ZSCAN9: variants seen among roughly 807,000 people sequenced by gnomAD.
The protein encoded by ZSCAN9 is zinc finger and SCAN domain-containing protein 9.
Under a neutral mutation model 23.0 loss-of-function variants are expected in ZSCAN9, and 19 were observed. The observed-to-expected ratio is 0.83, with a 90% confidence interval of 0.58 to 1.21. The LOEUF (loss-of-function observed/expected upper bound fraction) is 1.21, where lower values mean the gene tolerates loss of function less well. Ranked by LOEUF, ZSCAN9 falls within the 50% of genes most tolerant of loss-of-function variation. The pLI is 0.00. For missense variants in ZSCAN9, 467 were observed against 471.5 expected, an observed-to-expected ratio of 0.99 and a Z score of 0.09; for synonymous variants, 155 against 164.8, an observed-to-expected ratio of 0.94 and a Z score of 0.46.
At chr6:28,226,925 A>G in intron 1 of ZSCAN9, 87 bp from the exon 2 acceptor site, 1 of 602,596 alleles carries the variant, frequency 1.7e-6, no homozygotes, top group East Asian at 2.9e-5. Context: ...GAAGAGCTTT[A>G]GGGCCTATGA....
Position 28,233,265 on chromosome 6 carries a change from C to G in ZSCAN9, c.*87C>G. On this transcript the variant is annotated 3_prime_UTR_variant, in exon 4 of 4. Coordinates refer to ENST00000252207, the MANE Select transcript of ZSCAN9 (RefSeq NM_006299.5). ...AGAAAATGCCTCTTTCTTCCTTTCT[C>G]CATGAAATGTGTTTGAAACAAATCC... 6.6e-7 allele frequency: 1 copy of G among 1,520,912 alleles called. No individual in the cohort carries two copies. The highest frequency in any genetic ancestry group is 1.4e-5 in the African/African-American group (1 of 71,952). 94.2% of individuals were successfully genotyped at this position (1,520,912 alleles called of 1,614,324 possible). A position where few individuals can be genotyped will look rare whatever the true frequency, so the allele number is the denominator to read the frequency against.
rs1760147492 is a variant in ZSCAN9, at chr6:28,227,371, T to C, written c.287T>C (p.Val96Ala). ...AAGGAGCAGATTTTGGATCTGCTGG[T>C]GCTGGAGCAGTTTCTATCCATTCTG... is the stretch of plus-strand genomic sequence containing the variant. ...STKEQILDLL[V>A]LEQFLSILPK... Residue 96 changes from valine (V) to alanine (A), a missense_variant, in exon 2 of 4, where the codon GTG becomes GCG. Coordinates refer to ENST00000252207, the MANE Select transcript of ZSCAN9 (RefSeq NM_006299.5). The C allele has an allele frequency of 6.2e-7, 1 of 1,614,122 alleles. No individual in the cohort carries two copies. The highest frequency in any genetic ancestry group is 8.5e-7 in the Non-Finnish European group (1 of 1,180,050).
intron 3 of ZSCAN9, among the ~76,000 whole-genome samples, chr6:28,231,097 A>G (rs1760289080): frequency 1.3e-5 from 2 of 152,168 alleles, no homozygotes; most frequent in Admixed American, 6.5e-5. Context: ...TGTATATACT[A>G]TTTTTTTCCT....
At position 28,232,868 on chromosome 6, in the gene ZSCAN9, G is replaced by A; in HGVS notation, c.875G>A (p.Ser292Asn). Residue 292 changes from serine to asparagine, a missense_variant, in exon 4 of 4, where the codon AGT becomes AAT. By Grantham distance (46) the Ser-to-Asn change is conservative (BLOSUM62 1). Transcript: ENST00000252207. ...YECNECGKAF[S>N]RSSGLFNHRG... ...TGTAATGAATGTGGGAAAGCCTTCA[G>A]TCGAAGTTCTGGTCTTTTTAATCAC... 6.2e-7 allele frequency: 1 copy of A among 1,614,210 alleles called. No homozygotes were observed. Among genetic ancestry groups the A allele is most frequent in the Non-Finnish European group, 8.5e-7 (1 of 1,180,042 alleles).
chr6:28,229,866 T>C (rs1483046526), intron 3 of ZSCAN9, among the ~76,000 whole-genome samples: 1 of 151,518 alleles, frequency 6.6e-6, no homozygotes, highest in Non-Finnish European at 1.5e-5. Flanking sequence ...TTTTCTTTTT[T>C]TTTTTTTTTG....
chr6:28,229,890 C>T (rs1378564314), intron 3 of ZSCAN9, among the ~76,000 whole-genome samples: 1 of 150,182 alleles, frequency 6.7e-6, no homozygotes, highest in Non-Finnish European at 1.5e-5. Flanking sequence ...CAGAGTCTCG[C>T]TCTGTCGCCC....
At chr6:28,228,289 C>G in intron 3 of ZSCAN9, 1 of 492,386 alleles carries the variant, frequency 2.0e-6, no homozygotes. Context: ...GACTGGTTGT[C>G]TTTAACAGAA....
chr6:28,228,995 T>C (rs1192592579), intron 3 of ZSCAN9: 1 of 152,308 alleles, frequency 6.6e-6, no homozygotes, highest in Non-Finnish European at 1.5e-5. Flanking sequence ...TTACTGACTT[T>C]TTGTTAATGT....
chr6:28,232,324 C>G (rs189697383), intron 3 of ZSCAN9, among the ~76,000 whole-genome samples: 127 of 152,184 alleles, frequency 8.3e-4, no homozygotes, highest in Middle Eastern at 3.4e-3. Context: ...GAGTGACACT[C>G]TGGCTCAAAA....
At chr6:28,230,244 C>T in intron 3 of ZSCAN9, 3 of 1,170,108 alleles carry the variant, frequency 2.6e-6, no homozygotes, top group Admixed American at 5.7e-5. Context: ...GAAAGTGCTT[C>T]ATAAGTCATG....
In ZSCAN9 at chr6:28,233,122, C is replaced by T. The variant is rs568623817; in HGVS notation, c.1129C>T (p.Arg377Ter). ...QCIECGKSFN[R>*]HCNLIRHQKI... Reference sequence around the variant, plus strand: ...CATTGAATGTGGGAAAAGCTTTAATCGACACTGCAACCTCATTCGCCATCA... The same window carrying T: ...CATTGAATGTGGGAAAAGCTTTAATTGACACTGCAACCTCATTCGCCATCA... Residue 377 changes from arginine to a stop codon, truncating the protein, a stop_gained, in exon 4 of 4, where the codon CGA becomes TGA. Transcript: ENST00000252207. LOFTEE classifies it low-confidence loss of function (END_TRUNC). The T allele has an allele frequency of 1.9e-5, 30 of 1,614,102 alleles. No individual in the cohort carries two copies. Among genetic ancestry groups the T allele is most frequent in the Admixed American group, 1.7e-4 (10 of 60,020 alleles).
chr6:28,231,807 C>T (rs1171951663), intron 3 of ZSCAN9, among the ~76,000 whole-genome samples: 3 of 151,998 alleles, frequency 2.0e-5, no homozygotes, highest in African/African-American at 7.3e-5. Context: ...CTGTGGGTAG[C>T]TGAAACTTTG....
intron 3 of ZSCAN9, among the ~76,000 whole-genome samples, chr6:28,229,808 C>T (rs551132942): frequency 6.3e-4 from 96 of 151,954 alleles, no homozygotes; most frequent in African/African-American, 1.9e-3. Context: ...ATTTTGCAGA[C>T]GTTTCTCTAT....
At chr6:28,228,396 ATCT>A (rs1196586531) in intron 3 of ZSCAN9, 1 of 288,980 alleles carries the variant, frequency 3.5e-6, no homozygotes, top group Non-Finnish European at 6.4e-6. Flanking sequence ...ATAGATGGCC[ATCT>A]TCTTGCTGTA....
chr6:28,230,034 T>C (rs1760249198), intron 3 of ZSCAN9, among the ~76,000 whole-genome samples: 1 of 152,154 alleles, frequency 6.6e-6, no homozygotes, highest in African/African-American at 2.4e-5. Context: ...ATGTTTTGTA[T>C]TTTTAATAGA....
rs1435461861 is a variant in ZSCAN9 at position 28,227,150 on chromosome 6, T to C, written c.66T>C (p.Leu22=). The C allele has an allele frequency of 2.5e-6, 4 of 1,614,082 alleles. No homozygotes were observed. Among genetic ancestry groups the C allele is most frequent in the Non-Finnish European group, 3.4e-6 (4 of 1,180,040 alleles). ...AAGTTCCCGAGGCATGGGAAGAACTTCTGACAATGAAAGTGGAAGCAAAAA... is the reference window on the plus strand; with the variant it reads ...AAGTTCCCGAGGCATGGGAAGAACTCCTGACAATGAAAGTGGAAGCAAAAA... ...GVQVPEAWEE[L]LTMKVEAKSH... Residue 22 remains leucine (L), a synonymous_variant, in exon 2 of 4, where the codon CTT becomes CTC. Coordinates refer to ENST00000252207, the MANE Select transcript of ZSCAN9 (RefSeq NM_006299.5).
At chr6:28,231,354 A>G (rs1217868255) in intron 3 of ZSCAN9, among the ~76,000 whole-genome samples, 1 of 152,212 alleles carries the variant, frequency 6.6e-6, no homozygotes, top group Non-Finnish European at 1.5e-5. Flanking sequence ...TACAGTGTGG[A>G]TATGCTGGAC....
chr6:28,230,085 C>T (rs1426905511), intron 3 of ZSCAN9, among the ~76,000 whole-genome samples: 1 of 152,156 alleles, frequency 6.6e-6, no homozygotes, highest in African/African-American at 2.4e-5. Context: ...TCTCGATCTC[C>T]TGACCTCGTG....
chr6:28,233,273 T>C lies in ZSCAN9; in HGVS notation c.*95T>C. 6.6e-7 allele frequency: 1 copy of C among 1,517,134 alleles called. No individual in the cohort carries two copies. Among genetic ancestry groups the C allele is most frequent in the Non-Finnish European group, 8.8e-7 (1 of 1,138,352 alleles). The allele number at this position is 1,517,134 out of a possible 1,614,324, so 94.0% of individuals were successfully genotyped here. On this transcript the variant is annotated 3_prime_UTR_variant, in exon 4 of 4. Coordinates refer to ENST00000252207, the MANE Select transcript of ZSCAN9 (RefSeq NM_006299.5). Reference sequence around the variant, plus strand: ...CCTCTTTCTTCCTTTCTCCATGAAATGTGTTTGAAACAAATCCTGACTTAA... The same window carrying C: ...CCTCTTTCTTCCTTTCTCCATGAAACGTGTTTGAAACAAATCCTGACTTAA...
Sources: allele counts gnomAD v4.1 joint callset (sites outside exome capture counted in the v4.1 genomes callset), GRCh38; gene constraint gnomAD v4.1.1; transcripts MANE v1.5; gene names NCBI Gene and HGNC (gene_info 2026-07-23, HGNC 2026-07-21).